Variants in SLC30A7 observed in about 807,000 individuals in gnomAD.
The protein encoded by SLC30A7 is zinc transporter 7.
A neutral mutation model predicts 46.0 loss-of-function variants in SLC30A7; 35 were observed. The observed-to-expected ratio is 0.76, with a 90% CI of 0.58 to 1.01. SLC30A7 has a LOEUF of 1.01. Among genes scored for constraint, SLC30A7 ranks in the 50% least tolerant of loss-of-function variants. SLC30A7 has a pLI of 0.00. For missense variants in SLC30A7, 464 were observed against 451.1 expected (o/e 1.03, Z -0.26); for synonymous variants, 147 against 157.8 (o/e 0.93, Z 0.51).
intron 7 of SLC30A7, among the ~76,000 whole-genome samples, chr1:100,919,803 G>A (rs1374877670): frequency 1.3e-5 from 2 of 151,964 alleles, no homozygotes; most frequent in Non-Finnish European, 2.9e-5. Flanking sequence ...AAACTACCTG[G>A]CATTAAAAAC....
intron 10 of SLC30A7, chr1:100,972,545 A>G (rs1656216823): frequency 6.6e-6 from 1 of 152,156 alleles, no homozygotes; most frequent in Admixed American, 6.6e-5. Flanking sequence ...GTTTAGGGCT[A>G]GGAGTAAGGA....
At chr1:100,910,674 C>T (rs1317347672) in intron 3 of SLC30A7, among the ~76,000 whole-genome samples, 7 of 152,050 alleles carry the variant, frequency 4.6e-5, no homozygotes, top group African/African-American at 1.4e-4. Flanking sequence ...GTTTAAAAAA[C>T]CCCCTTTTCC....
intron 8 of SLC30A7, among the ~76,000 whole-genome samples, chr1:100,952,650 T>A (rs1488100338): frequency 6.6e-6 from 1 of 152,226 alleles, no homozygotes; most frequent in Non-Finnish European, 1.5e-5. Context: ...CTAGTTACTT[T>A]GGAATGACTA....
chr1:100,994,576 G>C, the SLC30A7 span, among the ~76,000 whole-genome samples: 108 of 151,546 alleles, frequency 7.1e-4, no homozygotes, highest in Non-Finnish European at 1.3e-3. Flanking sequence ...ACCCAGGCTG[G>C]AGTGCAGTGG....
At chr1:100,947,200 A>G (rs1043973877) in intron 8 of SLC30A7, among the ~76,000 whole-genome samples, 4 of 152,204 alleles carry the variant, frequency 2.6e-5, no homozygotes, top group Non-Finnish European at 5.9e-5. Flanking sequence ...CTTTAGTGCT[A>G]TAATTTTCCC....
the SLC30A7 span, among the ~76,000 whole-genome samples, chr1:100,991,895 C>G: frequency 5.3e-5 from 8 of 151,544 alleles, no homozygotes; most frequent in East Asian, 1.6e-3. Flanking sequence ...TTGCTTGAGC[C>G]AAGGAATTCG....
chr1:100,922,362 G>A (rs1464041392), intron 8 of SLC30A7, among the ~76,000 whole-genome samples: 1 of 151,808 alleles, frequency 6.6e-6, no homozygotes, highest in Non-Finnish European at 1.5e-5. Context: ...TTAAATTTTT[G>A]GTCATAATTC....
intron 8 of SLC30A7, among the ~76,000 whole-genome samples, chr1:100,953,896 T>A (rs1655081863): frequency 1.3e-5 from 2 of 152,254 alleles, no homozygotes; most frequent in South Asian, 4.1e-4. Context: ...TTCCTAAGTA[T>A]AATTCTTTCC....
chr1:100,967,530 G>C (rs1185993085), intron 10 of SLC30A7, among the ~76,000 whole-genome samples: 1 of 152,108 alleles, frequency 6.6e-6, no homozygotes, highest in Non-Finnish European at 1.5e-5. Context: ...GAAGAAACAG[G>C]TTCCATGTGT....
intron 8 of SLC30A7, among the ~76,000 whole-genome samples, chr1:100,958,349 T>C (rs1326870931): frequency 6.6e-6 from 1 of 152,114 alleles, no homozygotes; most frequent in Non-Finnish European, 1.5e-5. Context: ...GCTAATTTTT[T>C]ATATTTTTAG....
chr1:100,921,155 G>A (rs1652908131), intron 7 of SLC30A7, among the ~76,000 whole-genome samples: 1 of 151,932 alleles, frequency 6.6e-6, no homozygotes, highest in East Asian at 1.9e-4. Flanking sequence ...CTGCTTTCAC[G>A]TCACCTCTGA....
At chr1:100,929,307 T>C (rs1220831011) in intron 8 of SLC30A7, among the ~76,000 whole-genome samples, 1 of 152,090 alleles carries the variant, frequency 6.6e-6, no homozygotes, top group Non-Finnish European at 1.5e-5. Context: ...AAAAAGTAGC[T>C]CCAAAGTACA....
chr1:100,972,015 T>C lies in SLC30A7; in HGVS notation c.1084-2795T>C, dbSNP rs115359877. 3.0e-3 allele frequency among the ~76,000 whole-genome samples: 450 copies of C among 152,274 alleles called. 2 individuals are homozygous for C. The highest frequency in any genetic ancestry group is 9.4e-3 in the African/African-American group (390 of 41,560). On this transcript the variant is annotated intron_variant, in intron 10 of 10. Transcript: ENST00000357650. Reference sequence around the variant, plus strand: ...GTGCCTTTCCCATTTATAAAAATGTTGACTGGAGTATGGTTTGTACATTAT... The same window carrying C: ...GTGCCTTTCCCATTTATAAAAATGTCGACTGGAGTATGGTTTGTACATTAT...
intron 8 of SLC30A7, among the ~76,000 whole-genome samples, chr1:100,938,903 T>C (rs2101054306): frequency 6.6e-6 from 1 of 152,276 alleles, no homozygotes; most frequent in East Asian, 1.9e-4. Context: ...TACATGGGTA[T>C]ATTGCACCCA....
At chr1:100,966,365 C>G (rs138323519) in intron 10 of SLC30A7, among the ~76,000 whole-genome samples, 2 of 151,404 alleles carry the variant, frequency 1.3e-5, no homozygotes, top group East Asian at 2.0e-4. Context: ...AGGTGGATCA[C>G]GAGGTCAGGA....
chr1:100,924,667 CAA>C (rs574224940), intron 8 of SLC30A7, among the ~76,000 whole-genome samples: 3 of 79,404 alleles, frequency 3.8e-5, no homozygotes, highest in African/African-American at 9.5e-5. Context: ...TCTCCCTGGC[CAA>C]AAAAAAAAAA....
intron 1 of SLC30A7, 114 bp downstream of exon 1, chr1:100,896,456 T>A: frequency 7.0e-7 from 1 of 1,429,296 alleles, no homozygotes; most frequent in Admixed American, 1.7e-5. Flanking sequence ...CGTCAACCCC[T>A]AGCTGTGAAG....
At position 100,977,053 on chromosome 1, in the gene SLC30A7, T is replaced by C. The variant is rs1005834601; in HGVS notation, c.*2196T>C. ...ACCACCACCAAGTCTGAGAGAACTCTGGGATATTCTGTGGGTTTTGGCATA... is the reference window on the plus strand; with the variant it reads ...ACCACCACCAAGTCTGAGAGAACTCCGGGATATTCTGTGGGTTTTGGCATA... On this transcript the variant is annotated 3_prime_UTR_variant, in exon 11 of 11. Transcript: ENST00000357650. 1.3e-5 allele frequency: 2 copies of C among 152,286 alleles called. No individual in the cohort carries two copies. The highest frequency in any genetic ancestry group is 6.6e-5 in the Admixed American group (1 of 15,200). 9.4% of individuals were successfully genotyped at this position (152,286 alleles called of 1,614,324 possible).
downstream of SLC30A7, among the ~76,000 whole-genome samples, chr1:100,984,058 GT>G (rs1466768924): frequency 1.3e-5 from 2 of 152,198 alleles, no homozygotes; most frequent in African/African-American, 4.8e-5. Context: ...TACATTTGTA[GT>G]TACATTAGTT....
Sources: allele counts gnomAD v4.1 joint callset (sites outside exome capture counted in the v4.1 genomes callset), GRCh38; gene constraint gnomAD v4.1.1; transcripts MANE v1.5; gene names NCBI Gene and HGNC (gene_info 2026-07-23, HGNC 2026-07-21).